The following NID1 variants were observed in gnomAD, a reference collection of about 807,000 sequenced individuals.
NID1 encodes the protein nidogen-1.
NID1 carries 76 observed loss-of-function variants against 130.6 expected under a neutral mutation model. That is an observed-to-expected ratio of 0.58 (90% CI 0.48 to 0.70). The LOEUF (loss-of-function observed/expected upper bound fraction) is 0.70, where lower values mean the gene tolerates loss of function less well. Among genes scored for constraint, NID1 ranks in the 30% least tolerant of loss-of-function variants. NID1 has a pLI of 0.00. For synonymous variants in NID1, 665 were observed against 675.1 expected (o/e 0.98, Z 0.23); for missense variants, 1,517 against 1,664.8 (o/e 0.91, Z 1.54).
chr1:236,058,428 C>A (rs1659950175), intron 1 of NID1, among the ~76,000 whole-genome samples: 1 of 152,088 alleles, frequency 6.6e-6, no homozygotes, highest in African/African-American at 2.4e-5. Flanking sequence ...CACAAAAAAA[C>A]CCAGGGTGAA....
chr1:236,020,036 T>TAAA (rs57925295), intron 9 of NID1, among the ~76,000 whole-genome samples: 15 of 88,264 alleles, frequency 1.7e-4, no homozygotes, highest in African/African-American at 3.1e-4. Context: ...GACTCTGCCT[T>TAAA]AAAAAAAAAA....
chr1:235,981,547 T>G, intron 16 of NID1, 64 bp downstream of exon 16: 5 of 1,526,890 alleles, frequency 3.3e-6, no homozygotes, highest in Non-Finnish European at 4.5e-6. Flanking sequence ...GCCTCACATC[T>G]GAGAATCTCT....
chr1:236,012,132 A>G (rs746886958), intron 11 of NID1, 89 bp from the exon 12 acceptor site: 27 of 1,503,816 alleles, frequency 1.8e-5, no homozygotes, highest in Non-Finnish European at 2.5e-5. Flanking sequence ...ACTCAAATCT[A>G]TGGGAACCTG....
chr1:235,997,871 G>A (rs1438133749), intron 12 of NID1, among the ~76,000 whole-genome samples: 4 of 152,140 alleles, frequency 2.6e-5, no homozygotes, highest in African/African-American at 9.7e-5. Context: ...GCCTCCCAAA[G>A]TGCTGGGATT....
chr1:236,059,834 G>C (rs1411955623), intron 1 of NID1, among the ~76,000 whole-genome samples: 4 of 152,192 alleles, frequency 2.6e-5, no homozygotes, highest in Non-Finnish European at 5.9e-5. Flanking sequence ...GGGCGTGGTG[G>C]CTCACGCCTG....
rs536908104 is a variant in NID1, at chr1:236,047,656, C to T, written c.525+1034G>A. On this transcript the variant is annotated intron_variant, in intron 2 of 19. Transcript: ENST00000264187. Reference sequence around the variant, plus strand: ...TCCCCAACTAGAGTCTGGGCTTTACCTTTCTATCTTTGCATCCCTCAGGAG... The same window carrying T: ...TCCCCAACTAGAGTCTGGGCTTTACTTTTCTATCTTTGCATCCCTCAGGAG... Among the ~76,000 whole-genome samples, 4 of 152,156 alleles carry T rather than the reference C, an allele frequency of 2.6e-5. No individual in the cohort carries two copies. In the South Asian group the frequency reaches 8.3e-4, roughly 32 times the overall value.
chr1:236,057,742 A>C (rs983026398), intron 1 of NID1, among the ~76,000 whole-genome samples: 34 of 152,122 alleles, frequency 2.2e-4, no homozygotes, highest in African/African-American at 8.2e-4. Context: ...AAAAAGAGAG[A>C]GAGAGAAAGG....
At chr1:236,061,725 A>G (rs915233415) in intron 1 of NID1, among the ~76,000 whole-genome samples, 4 of 152,022 alleles carry the variant, frequency 2.6e-5, no homozygotes, top group African/African-American at 9.7e-5. Flanking sequence ...GGCCCTTCTC[A>G]ACAATTAAAA....
intron 15 of NID1, among the ~76,000 whole-genome samples, chr1:235,982,799 T>C (rs1020744989): frequency 1.3e-5 from 2 of 152,200 alleles, no homozygotes; most frequent in African/African-American, 4.8e-5. Flanking sequence ...GACTGGAGTA[T>C]AAGCAGGAAG....
At chr1:236,022,388 G>A (rs1289111478) in intron 9 of NID1, among the ~76,000 whole-genome samples, 2 of 148,894 alleles carry the variant, frequency 1.3e-5, no homozygotes, top group South Asian at 4.3e-4. Context: ...ACCCAGGCTG[G>A]AGTGGAGTGG....
In NID1 at chr1:235,979,148, T is replaced by C. The variant is rs1657357118; in HGVS notation, c.3510-41A>G. 3.1e-6 allele frequency: 4 copies of C among 1,283,624 alleles called. No homozygotes were observed. The African/African-American group carries it at 4.4e-5, about 14-fold the overall frequency. 79.5% of individuals were successfully genotyped at this position (1,283,624 alleles called of 1,614,324 possible). On this transcript the variant is annotated intron_variant, in intron 18 of 19. Coordinates refer to ENST00000264187, the MANE Select transcript of NID1 (RefSeq NM_002508.3). The surrounding 1 kb of genome is among the most constrained non-coding windows in gnomAD (Gnocchi z 4.6). Reference sequence around the variant, plus strand: ...GGGCAGAAGGTGAAAACACATCTGATGGCTTGAACTTGTATCTAAACAAGG... The same window carrying C: ...GGGCAGAAGGTGAAAACACATCTGACGGCTTGAACTTGTATCTAAACAAGG...
In NID1 at chr1:235,993,778, G is replaced by T. The variant is rs151147666; in HGVS notation, c.2622C>A (p.Phe874Leu). Residue 874 changes from phenylalanine (F) to leucine (L), a missense_variant, in exon 13 of 20, where the codon TTC (phenylalanine) becomes TTA (leucine). Coordinates refer to ENST00000264187, the MANE Select transcript of NID1 (RefSeq NM_002508.3). Reference sequence around the variant, plus strand: ...GCCCGTGCGCATCGCACTCAGGAACGAACAGCCCCGGAGGAATGGGTCGCT... The same window carrying T: ...GCCCGTGCGCATCGCACTCAGGAACTAACAGCCCCGGAGGAATGGGTCGCT... ...DPQRPIPPGL[F>L]VPECDAHGHY... is the part of the protein sequence containing the mutation. 6.2e-7 allele frequency: 1 copy of T among 1,614,130 alleles called. No individual in the cohort carries two copies. The highest frequency in any genetic ancestry group is 1.7e-5 in the Admixed American group (1 of 60,036).
chr1:236,012,558 C>CAAAAA (rs56183830), intron 11 of NID1, among the ~76,000 whole-genome samples: 59 of 97,910 alleles, frequency 6.0e-4, no homozygotes, highest in African/African-American at 1.2e-3. Flanking sequence ...AATGCCATCT[C>CAAAAA]AAAAAAAAAA....
intron 2 of NID1, 72 bp from the exon 3 acceptor site, chr1:236,045,755 C>T (rs1334132595): frequency 1.6e-6 from 2 of 1,230,480 alleles, no homozygotes; most frequent in East Asian, 2.5e-5. Flanking sequence ...ATTCGCCAGA[C>T]TATCTATAAA....
chr1:236,042,163 T>C lies in NID1; in HGVS notation c.882A>G (p.Glu294=), dbSNP rs1410403425. The change falls in exon 4 of 20, where the codon GAA becomes GAG. Residue 294 remains glutamate (E), a synonymous_variant. Transcript: ENST00000264187. ...GACGAGTGGTCGCCAGGTCATAATC[T>C]TCATCCTCATCATCATACTCTGCCC... ...EDGAEYDDED[E]DYDLATTRLG... 3.7e-6 allele frequency: 6 copies of C among 1,614,012 alleles called. No homozygotes were observed. In the Admixed American group the frequency reaches 6.7e-5, roughly 18 times the overall value.
At chr1:236,033,861 GA>G (rs1659169129) in intron 5 of NID1, among the ~76,000 whole-genome samples, 1 of 151,746 alleles carries the variant, frequency 6.6e-6, no homozygotes, top group Non-Finnish European at 1.5e-5. Flanking sequence ...GTTTAAACAG[GA>G]AAAAAATAAG....
intron 19 of NID1, 62 bp from the exon 20 acceptor site, chr1:235,978,050 G>A (rs1170767105): frequency 2.5e-6 from 4 of 1,576,678 alleles, no homozygotes; most frequent in Non-Finnish European, 2.6e-6. Context: ...AGCCATTTAA[G>A]ATAGTGGGCT....
At chr1:236,005,671 C>CATATT (rs1419109729) in intron 12 of NID1, among the ~76,000 whole-genome samples, 2 of 152,046 alleles carry the variant, frequency 1.3e-5, no homozygotes, top group African/African-American at 4.8e-5. Flanking sequence ...GATATCTATT[C>CATATT]ATATTATTTT....
chr1:236,057,501 G>A (rs973445561), intron 1 of NID1, among the ~76,000 whole-genome samples: 2 of 151,010 alleles, frequency 1.3e-5, no homozygotes, highest in African/African-American at 4.9e-5. Flanking sequence ...AGGCTGAGGC[G>A]GGCGGATCAC....
Sources: allele counts gnomAD v4.1 joint callset (sites outside exome capture counted in the v4.1 genomes callset), GRCh38; gene constraint gnomAD v4.1.1; non-coding constraint Gnocchi (gnomAD v3.1); transcripts MANE v1.5; gene names NCBI Gene and HGNC (gene_info 2026-07-23, HGNC 2026-07-21).